Variants in ACSM1 observed in about 807,000 individuals in gnomAD.
The protein encoded by ACSM1 is acyl-CoA synthetase medium chain family member 1.
ACSM1 carries 79 observed loss-of-function variants against 75.8 expected under a neutral mutation model. The observed-to-expected ratio is 1.04, with a 90% CI of 0.87 to 1.26. ACSM1 has a LOEUF of 1.26. ACSM1 is among the 50% of genes most tolerant of loss of function. The pLI is 0.00. For synonymous variants in ACSM1, 279 were observed against 265.8 expected, an observed-to-expected ratio of 1.05 and a Z score of -0.48; for missense variants, 676 against 720.1, an observed-to-expected ratio of 0.94 and a Z score of 0.70.
At chr16:20,625,623 G>T in intron 11 of ACSM1, 101 bp from the exon 12 acceptor site, 1 of 1,062,878 alleles carries the variant, frequency 9.4e-7, no homozygotes. Context: ...ACAGAGGGTG[G>T]AGGTCATAGG....
At chr16:20,624,286 G>C (rs1007741974) in intron 12 of ACSM1, 71 bp from the exon 13 acceptor site, 11 of 1,496,052 alleles carry the variant, frequency 7.4e-6, no homozygotes, top group African/African-American at 1.4e-5. Flanking sequence ...AATGTTTATT[G>C]AATGAGTGGT....
chr16:20,661,004 G>A (rs2019268635), intron 7 of ACSM1, among the ~76,000 whole-genome samples: 1 of 152,182 alleles, frequency 6.6e-6, no homozygotes, highest in African/African-American at 2.4e-5. Flanking sequence ...AATTGGTTTG[G>A]AAGATAGTAT....
At chr16:20,694,955 G>C (rs1285501327) in intron 1 of ACSM1, among the ~76,000 whole-genome samples, 1 of 152,114 alleles carries the variant, frequency 6.6e-6, no homozygotes, top group Admixed American at 6.5e-5. Flanking sequence ...CCTGATCTTG[G>C]ACCTCCAGCC....
intron 7 of ACSM1, among the ~76,000 whole-genome samples, chr16:20,655,675 G>A (rs1190491627): frequency 6.6e-6 from 1 of 151,910 alleles, no homozygotes; most frequent in Non-Finnish European, 1.5e-5. Flanking sequence ...GTTTTGTTTT[G>A]TTTTTGAGAT....
intron 7 of ACSM1, among the ~76,000 whole-genome samples, chr16:20,652,770 CAACCAAAA>C (rs1170743804): frequency 2.0e-5 from 3 of 152,090 alleles, no homozygotes; most frequent in African/African-American, 7.2e-5. Flanking sequence ...AATAGCCTAC[CAACCAAAA>C]AAGGCCCAGG....
intron 7 of ACSM1, among the ~76,000 whole-genome samples, chr16:20,655,038 C>T (rs955051413): frequency 3.0e-4 from 46 of 152,118 alleles, no homozygotes; most frequent in Non-Finnish European, 5.4e-4. Flanking sequence ...GAAAATGTGG[C>T]ACATATACAC....
At chr16:20,692,682 G>T (rs163251) in intron 1 of ACSM1, among the ~76,000 whole-genome samples, 48,239 of 152,020 alleles carry the variant, frequency 0.32, 8,111 homozygotes, top group East Asian at 0.55. Flanking sequence ...AAGAGACTTT[G>T]CAGGGCAATT....
At chr16:20,678,924 C>A (rs527724237) in intron 4 of ACSM1, among the ~76,000 whole-genome samples, 24 of 152,212 alleles carry the variant, frequency 1.6e-4, no homozygotes, top group African/African-American at 5.8e-4. Context: ...CGGCCACCCC[C>A]CATCATCTGT....
At chr16:20,684,435 G>C (rs1387752132) in intron 3 of ACSM1, among the ~76,000 whole-genome samples, 1 of 152,218 alleles carries the variant, frequency 6.6e-6, no homozygotes, top group African/African-American at 2.4e-5. Context: ...TAACTGAAGA[G>C]GGAACAAACT....
intron 7 of ACSM1, among the ~76,000 whole-genome samples, chr16:20,654,064 C>T: frequency 6.6e-6 from 1 of 152,074 alleles, no homozygotes; most frequent in East Asian, 1.9e-4. Context: ...GACATATAGA[C>T]CAATGGAACA....
In ACSM1 at chr16:20,682,440, T is replaced by A; in HGVS notation, c.427A>T (p.Ile143Phe). 4.3e-6 allele frequency: 7 copies of A among 1,613,678 alleles called. No individual in the cohort carries two copies. Among genetic ancestry groups the A allele is most frequent in the Non-Finnish European group, 5.9e-6 (7 of 1,179,762 alleles). The change falls in exon 4 of 14, where the codon ATC (isoleucine) becomes TTC (phenylalanine). Residue 143 changes from isoleucine to phenylalanine, a missense_variant. Transcript: ENST00000520010. ...RTGIIFIPATILLKAKDILYR... is the reference protein window; with the variant it reads ...RTGIIFIPATFLLKAKDILYR... ...AGAATGTCTTTGGCCTTCAACAGGATGGTCGCAGGAATGAAGATGATCCCT... is the reference window on the plus strand; with the variant it reads ...AGAATGTCTTTGGCCTTCAACAGGAAGGTCGCAGGAATGAAGATGATCCCT...
intron 7 of ACSM1, among the ~76,000 whole-genome samples, chr16:20,650,512 C>G (rs532538872): frequency 6.6e-6 from 1 of 152,068 alleles, no homozygotes; most frequent in African/African-American, 2.4e-5. Flanking sequence ...CATTTTGAGC[C>G]CTCTCAGAGG....
At chr16:20,694,116 A>G (rs2079677339) in intron 1 of ACSM1, among the ~76,000 whole-genome samples, 1 of 152,244 alleles carries the variant, frequency 6.6e-6, no homozygotes, top group Non-Finnish European at 1.5e-5. Context: ...AATCTTTCTC[A>G]GCATTTCACG....
intron 2 of ACSM1, among the ~76,000 whole-genome samples, chr16:20,686,335 G>A (rs1005631246): frequency 3.3e-5 from 5 of 152,096 alleles, no homozygotes; most frequent in African/African-American, 9.7e-5. Context: ...CAGATGGACT[G>A]AAATAGCTTC....
rs577762967 is a variant in ACSM1, at chr16:20,642,313, G to GA, written c.993-1730dup. Among the ~76,000 whole-genome samples, 75 of 152,212 alleles carry GA rather than the reference G, an allele frequency of 4.9e-4. No individual in the cohort carries two copies. The East Asian group carries it at 9.5e-3, about 19-fold the overall frequency. On this transcript the variant is annotated intron_variant, in intron 7 of 13. Transcript: ENST00000520010. ...AAATTAAAGAAAAGAAAGGGAAACT[G>GA]AAAAAAGCATGTTTTACTAACCCAT...
rs770196199 is a variant in ACSM1, at chr16:20,669,860, A to T, written c.879T>A (p.His293Gln). 1 of 1,614,004 alleles carries T rather than the reference A, an allele frequency of 6.2e-7. No individual in the cohort carries two copies. Among genetic ancestry groups the T allele is most frequent in the Non-Finnish European group, 8.5e-7 (1 of 1,179,902 alleles). ...WTAGCTVFIH[H>Q]LPQFDTKVII... ...TGACCTTGGTGTCAAACTGTGGCAGATGGTGGATAAAGACTGTACAACCCG... is the reference window on the plus strand; with the variant it reads ...TGACCTTGGTGTCAAACTGTGGCAGTTGGTGGATAAAGACTGTACAACCCG... The change falls in exon 6 of 14, where the codon CAT (histidine) becomes CAA (glutamine). Residue 293 changes from histidine to glutamine, a missense_variant. Transcript: ENST00000520010.
chr16:20,654,996 C>T (rs2018867883), intron 7 of ACSM1, among the ~76,000 whole-genome samples: 1 of 151,998 alleles, frequency 6.6e-6, no homozygotes, highest in Non-Finnish European at 1.5e-5. Context: ...TTGGAACCAA[C>T]CCAAATGTCC....
intron 7 of ACSM1, among the ~76,000 whole-genome samples, chr16:20,653,764 C>A (rs923835306): frequency 1.3e-5 from 2 of 152,160 alleles, no homozygotes; most frequent in Non-Finnish European, 2.9e-5. Flanking sequence ...AGGACACAAA[C>A]AAATGGAAGA....
At position 20,671,608 on chromosome 16, in the gene ACSM1, G is replaced by A; in HGVS notation, c.675C>T (p.Phe225=). ...TGGGGAAGCCTGTGGTCCCACTGGT[G>A]AAGAAGATGACCATTGGGTCCAAGG... ...SKTLDPMVIF[F]TSGTTGFPKM... The change falls in exon 5 of 14, where the codon TTC becomes TTT. Residue 225 remains phenylalanine, a synonymous_variant. Transcript: ENST00000520010. 1.2e-6 allele frequency: 2 copies of A among 1,613,812 alleles called. No homozygotes were observed. Among genetic ancestry groups the A allele is most frequent in the South Asian group, 1.1e-5 (1 of 91,010 alleles).
Sources: allele counts gnomAD v4.1 joint callset (sites outside exome capture counted in the v4.1 genomes callset), GRCh38; gene constraint gnomAD v4.1.1; transcripts MANE v1.5; gene names NCBI Gene and HGNC (gene_info 2026-07-23, HGNC 2026-07-21).